The following EPHA6 variants were observed in gnomAD, a reference collection of about 807,000 sequenced individuals.
EPHA6 encodes the protein ephrin type-A receptor 6.
Under a neutral mutation model 112.0 loss-of-function variants are expected in EPHA6, and 50 were observed. The observed-to-expected ratio is 0.45, with a 90% CI of 0.36 to 0.56. The LOEUF is 0.56. EPHA6 is among the 20% of genes least tolerant of loss of function. The pLI, the probability that EPHA6 is intolerant of heterozygous loss-of-function variation, is 0.00. For missense variants in EPHA6, 1,280 were observed against 1,417.4 expected (o/e 0.90, Z 1.56); for synonymous variants, 529 against 490.7 (o/e 1.08, Z -1.03).
At chr3:96,864,414 A>G (rs967944399) in intron 1 of EPHA6, among the ~76,000 whole-genome samples, 12 of 152,098 alleles carry the variant, frequency 7.9e-5, no homozygotes, top group African/African-American at 2.7e-4. Flanking sequence ...TGGATCTCAA[A>G]TGCATATGTG....
At chr3:97,271,720 A>G (rs1284159275) in intron 5 of EPHA6, among the ~76,000 whole-genome samples, 1 of 152,254 alleles carries the variant, frequency 6.6e-6, no homozygotes, top group Admixed American at 6.5e-5. Context: ...GCAATTTTTA[A>G]GTTTTTATAC....
chr3:96,958,303 A>G (rs1347387620), intron 2 of EPHA6, among the ~76,000 whole-genome samples: 2 of 152,042 alleles, frequency 1.3e-5, no homozygotes, highest in Non-Finnish European at 2.9e-5. Context: ...AAGAAAAAAA[A>G]AAAAAAGAAC....
At chr3:96,938,743 G>A (rs1013234152) in intron 2 of EPHA6, among the ~76,000 whole-genome samples, 15 of 151,672 alleles carry the variant, frequency 9.9e-5, no homozygotes, top group African/African-American at 3.6e-4. Flanking sequence ...TTGGCTGTGG[G>A]TTTGTCATAG....
intron 5 of EPHA6, among the ~76,000 whole-genome samples, chr3:97,318,865 G>A (rs1352746242): frequency 6.6e-6 from 1 of 151,790 alleles, no homozygotes; most frequent in Non-Finnish European, 1.5e-5. Flanking sequence ...TCTTTCAAGT[G>A]AACATTTATT....
At chr3:97,674,222 C>G (rs1351039576) in intron 14 of EPHA6, among the ~76,000 whole-genome samples, 1 of 152,074 alleles carries the variant, frequency 6.6e-6, no homozygotes, top group Non-Finnish European at 1.5e-5. Context: ...ACATTCTGAC[C>G]AAGTGAACAT....
chr3:97,434,830 G>A (rs972228713), intron 6 of EPHA6, among the ~76,000 whole-genome samples: 8 of 151,974 alleles, frequency 5.3e-5, no homozygotes, highest in African/African-American at 1.7e-4. Flanking sequence ...CCTGCAGAAT[G>A]GCTAGGCATC....
intron 6 of EPHA6, among the ~76,000 whole-genome samples, chr3:97,417,276 G>T (rs538123873): frequency 6.6e-6 from 1 of 152,174 alleles, no homozygotes; most frequent in East Asian, 1.9e-4. Flanking sequence ...AAGTCCTGTT[G>T]GGAATATATC....
chr3:97,279,441 T>C (rs1298923795), intron 5 of EPHA6, among the ~76,000 whole-genome samples: 1 of 151,492 alleles, frequency 6.6e-6, no homozygotes, highest in African/African-American at 2.4e-5. Flanking sequence ...AAATGAGCCA[T>C]CATAAGCATC....
At chr3:96,988,186 C>T (rs899543204) in intron 3 of EPHA6, among the ~76,000 whole-genome samples, 193 bp downstream of exon 3, 11 of 151,830 alleles carry the variant, frequency 7.2e-5, no homozygotes, top group East Asian at 1.9e-4. Context: ...TTCAAAATGA[C>T]GATTTATTAA....
intron 16 of EPHA6, among the ~76,000 whole-genome samples, chr3:97,740,402 C>G (rs1431523414): frequency 2.0e-5 from 3 of 152,080 alleles, no homozygotes; most frequent in African/African-American, 7.2e-5. Flanking sequence ...AATGTGGCAT[C>G]CCAGGACGGG....
At chr3:97,297,572 C>T (rs570615299) in intron 5 of EPHA6, among the ~76,000 whole-genome samples, 8 of 151,634 alleles carry the variant, frequency 5.3e-5, no homozygotes, top group African/African-American at 1.9e-4. Context: ...TATGAAGGTC[C>T]CAGAAGGTAG....
chr3:97,364,690 A>G (rs1182394975), intron 5 of EPHA6, among the ~76,000 whole-genome samples: 2 of 152,022 alleles, frequency 1.3e-5, no homozygotes, highest in African/African-American at 2.4e-5. Flanking sequence ...ATCAAAGGGA[A>G]CAATTTCTAA....
chr3:96,946,348 C>T (rs560297870), intron 2 of EPHA6, among the ~76,000 whole-genome samples: 17 of 151,930 alleles, frequency 1.1e-4, no homozygotes, highest in African/African-American at 3.9e-4. Context: ...CGACAGGCCC[C>T]GGTGTGTGAT....
At chr3:97,278,624 G>T (rs2080178898) in intron 5 of EPHA6, among the ~76,000 whole-genome samples, 1 of 152,168 alleles carries the variant, frequency 6.6e-6, no homozygotes, top group African/African-American at 2.4e-5. Flanking sequence ...CAGTATAGAA[G>T]TCTATACACT....
At chr3:97,614,831 G>T (rs1470359047) in intron 13 of EPHA6, among the ~76,000 whole-genome samples, 2 of 152,184 alleles carry the variant, frequency 1.3e-5, no homozygotes, top group East Asian at 3.9e-4. Flanking sequence ...GTGGAAGGTG[G>T]TGCTATCAAT....
chr3:97,012,062 G>C (rs753642189), intron 3 of EPHA6, among the ~76,000 whole-genome samples: 1 of 151,998 alleles, frequency 6.6e-6, no homozygotes, highest in Non-Finnish European at 1.5e-5. Context: ...TACACAATTG[G>C]TGGGCACCTA....
intron 3 of EPHA6, among the ~76,000 whole-genome samples, chr3:97,097,920 A>T (rs1253596037): frequency 1.3e-5 from 2 of 151,916 alleles, no homozygotes; most frequent in African/African-American, 4.8e-5. Context: ...AATATGATTA[A>T]CAATGCCACA....
intron 3 of EPHA6, among the ~76,000 whole-genome samples, chr3:97,175,250 G>A (rs72922359): frequency 7.1e-4 from 108 of 151,884 alleles, no homozygotes; most frequent in Middle Eastern, 3.4e-3. Flanking sequence ...TTTTCCATTG[G>A]TCTATGTTTC....
At chr3:97,261,766 G>A (rs565317792) in intron 5 of EPHA6, among the ~76,000 whole-genome samples, 3 of 152,230 alleles carry the variant, frequency 2.0e-5, no homozygotes, top group South Asian at 4.1e-4. Context: ...TGTCAGATGC[G>A]CTTCCAATAG....
Sources: gnomAD v4.1 joint callset for allele counts (sites outside exome capture counted in the v4.1 genomes callset) on GRCh38, gnomAD v4.1.1 for gene constraint, MANE v1.5 for transcripts, NCBI Gene and HGNC (gene_info 2026-07-23, HGNC 2026-07-21) for gene names.